Variants in MAGI2 observed in about 807,000 individuals in gnomAD.
MAGI2 encodes the protein membrane-associated guanylate kinase, WW and PDZ domain-containing protein 2.
In MAGI2, 35 loss-of-function variants were observed where a neutral mutation model predicts 133.3. The ratio of observed to expected loss-of-function variants is 0.26; its 90% CI spans 0.20 to 0.35. The LOEUF is 0.35. MAGI2 is among the 10% of genes least tolerant of loss of function. The pLI is 1.00. For missense variants in MAGI2, 1,636 were observed against 1,863.4 expected (o/e 0.88, Z 2.25); for synonymous variants, 729 against 710.6 (o/e 1.03, Z -0.41).
At chr7:78,773,279 T>A (rs1304828333) in intron 2 of MAGI2, among the ~76,000 whole-genome samples, 1 of 151,834 alleles carries the variant, frequency 6.6e-6, no homozygotes, top group Admixed American at 6.6e-5. Flanking sequence ...AACAGAAAGA[T>A]CATGACTTAA....
chr7:78,629,161 A>C (rs1427578698), intron 2 of MAGI2, among the ~76,000 whole-genome samples: 2 of 152,146 alleles, frequency 1.3e-5, no homozygotes, highest in East Asian at 3.9e-4. Context: ...GAGGCCCATC[A>C]GTACTTTCGG....
chr7:79,171,766 ATATATT>A (rs1272526001), intron 1 of MAGI2, among the ~76,000 whole-genome samples: 40 of 23,266 alleles, frequency 1.7e-3, no homozygotes, highest in African/African-American at 3.6e-3. Flanking sequence ...ATATATATAT[ATATATT>A]TTTTTTTTTT....
intron 1 of MAGI2, among the ~76,000 whole-genome samples, chr7:79,371,548 C>T (rs1259586667): frequency 6.6e-6 from 1 of 151,954 alleles, no homozygotes; most frequent in Non-Finnish European, 1.5e-5. Flanking sequence ...TTACAATTGC[C>T]TATAGCATTC....
intron 4 of MAGI2, among the ~76,000 whole-genome samples, chr7:78,509,561 T>G (rs1278482977): frequency 6.6e-6 from 1 of 152,242 alleles, no homozygotes; most frequent in Non-Finnish European, 1.5e-5. Context: ...TTATAAATTC[T>G]ATGGTTCTGG....
chr7:78,032,170 C>G (rs114775623), intron 21 of MAGI2, among the ~76,000 whole-genome samples: 1 of 151,946 alleles, frequency 6.6e-6, no homozygotes, highest in Non-Finnish European at 1.5e-5. Flanking sequence ...TCTTTCAAAA[C>G]CCTTTCTTCT....
chr7:79,445,269 T>C (rs986594283), intron 1 of MAGI2, among the ~76,000 whole-genome samples: 7 of 152,026 alleles, frequency 4.6e-5, no homozygotes, highest in African/African-American at 1.7e-4. Context: ...GGACTTCATG[T>C]CTAAAACACC....
intron 1 of MAGI2, among the ~76,000 whole-genome samples, chr7:79,393,705 T>A (rs993994366): frequency 6.6e-6 from 1 of 152,220 alleles, no homozygotes; most frequent in Non-Finnish European, 1.5e-5. Flanking sequence ...ATAATTTAAT[T>A]TCTAAGAGCA....
intron 2 of MAGI2, among the ~76,000 whole-genome samples, chr7:78,697,155 A>G (rs1480991702): frequency 6.6e-6 from 1 of 151,992 alleles, no homozygotes; most frequent in African/African-American, 2.4e-5. Flanking sequence ...TTTAGTGTTT[A>G]ATCTCTTTTC....
chr7:78,631,486 C>T (rs1808994729), intron 2 of MAGI2, among the ~76,000 whole-genome samples: 2 of 152,136 alleles, frequency 1.3e-5, no homozygotes, highest in Admixed American at 1.3e-4. Context: ...CACATTTCCT[C>T]TCTAAAGGCT....
At chr7:79,337,480 C>T (rs1329920122) in intron 1 of MAGI2, among the ~76,000 whole-genome samples, 1 of 152,104 alleles carries the variant, frequency 6.6e-6, no homozygotes, top group African/African-American at 2.4e-5. Flanking sequence ...AGAGAAAGAT[C>T]TACAGCATAA....
chr7:78,902,513 A>G (rs1340245865), intron 2 of MAGI2: 1 of 151,016 alleles, frequency 6.6e-6, no homozygotes, highest in African/African-American at 2.5e-5. Context: ...TCATATTCAT[A>G]GAGTCAAACT....
chr7:79,114,300 TTG>T (rs2129544126), intron 1 of MAGI2, among the ~76,000 whole-genome samples: 2 of 152,278 alleles, frequency 1.3e-5, no homozygotes, highest in South Asian at 4.1e-4. Context: ...GTCTTGCAGG[TTG>T]ATCTCTTTAA....
intron 2 of MAGI2, among the ~76,000 whole-genome samples, chr7:78,706,155 C>G (rs187743444): frequency 2.0e-5 from 3 of 151,710 alleles, no homozygotes; most frequent in Admixed American, 2.0e-4. Flanking sequence ...TGTCCCCCCC[C>G]AAATCTCAAC....
intron 5 of MAGI2, among the ~76,000 whole-genome samples, chr7:78,490,606 T>G (rs1793510028): frequency 6.6e-6 from 1 of 152,124 alleles, no homozygotes; most frequent in Non-Finnish European, 1.5e-5. Flanking sequence ...AATTACCTGG[T>G]GGACAACACA....
intron 1 of MAGI2, among the ~76,000 whole-genome samples, chr7:79,074,947 AT>A (rs1412525880): frequency 2.6e-5 from 4 of 152,232 alleles, no homozygotes; most frequent in Non-Finnish European, 4.4e-5. Flanking sequence ...AGAGTTTGGT[AT>A]AATGGTTCAA....
rs76971741 is a variant in MAGI2, at chr7:78,550,457, A to C, written c.539-28812T>G. 1.8e-3 allele frequency among the ~76,000 whole-genome samples: 281 copies of C among 152,254 alleles called. 1 individual carries two copies. In the East Asian group the frequency reaches 0.02, roughly 11 times the overall value. On this transcript the variant is annotated intron_variant, in intron 3 of 21. Transcript: ENST00000354212. Reference sequence around the variant, plus strand: ...CACTTCAGAAGCTCAGCCAAGAAAAACAATATTTGTAAAAATTAGGGGAAA... The same window carrying C: ...CACTTCAGAAGCTCAGCCAAGAAAACCAATATTTGTAAAAATTAGGGGAAA...
chr7:78,809,871 T>G (rs1788894413), intron 2 of MAGI2, among the ~76,000 whole-genome samples: 1 of 152,194 alleles, frequency 6.6e-6, no homozygotes, highest in Non-Finnish European at 1.5e-5. Flanking sequence ...ATCTAAAAAG[T>G]AAGTAATTGC....
intron 1 of MAGI2, among the ~76,000 whole-genome samples, chr7:79,349,749 T>C (rs1299756184): frequency 6.6e-6 from 1 of 152,042 alleles, no homozygotes; most frequent in African/African-American, 2.4e-5. Context: ...GCTTATGGTA[T>C]TAATAGAAAG....
At chr7:78,503,563 T>TCCCCCTCCTCCC (rs1794814413) in intron 4 of MAGI2, among the ~76,000 whole-genome samples, 1 of 22,892 alleles carries the variant, frequency 4.4e-5, no homozygotes, top group Non-Finnish European at 7.9e-5. Context: ...CATCTCCCCC[T>TCCCCCTCCTCCC]CCCCCTCCTC....
Sources: allele counts gnomAD v4.1 joint callset (sites outside exome capture counted in the v4.1 genomes callset), GRCh38; gene constraint gnomAD v4.1.1; transcripts MANE v1.5; gene names NCBI Gene and HGNC (gene_info 2026-07-23, HGNC 2026-07-21).